The following RBFOX1 variants were observed in gnomAD, a reference collection of about 807,000 sequenced individuals.
RBFOX1 encodes the protein RNA binding fox-1 homolog 1, also known as RNA binding protein fox-1 homolog 1.
Under a neutral mutation model 57.7 loss-of-function variants are expected in RBFOX1, and 8 were observed. That is an observed-to-expected ratio of 0.14 (90% confidence interval 0.08 to 0.25). The LOEUF is 0.25. RBFOX1 is among the 10% of genes least tolerant of loss of function. The pLI, the probability that RBFOX1 is intolerant of heterozygous loss-of-function variation, is 1.00. For synonymous variants in RBFOX1, 326 were observed against 222.4 expected, an observed-to-expected ratio of 1.47 and a Z score of -4.15; for missense variants, 611 against 548.5, an observed-to-expected ratio of 1.11 and a Z score of -1.14.
At chr16:7,028,622 A>C (rs1014750939) in intron 3 of RBFOX1, among the ~76,000 whole-genome samples, 41 of 151,214 alleles carry the variant, frequency 2.7e-4, no homozygotes, top group African/African-American at 9.2e-4. Flanking sequence ...AAAAAAAAAA[A>C]AAAAAAAAAA....
At chr16:6,648,624 C>T (rs892872088) in intron 2 of RBFOX1, among the ~76,000 whole-genome samples, 4 of 152,134 alleles carry the variant, frequency 2.6e-5, no homozygotes, top group South Asian at 4.2e-4. Flanking sequence ...CATGCATCGA[C>T]GGGCCCTCAC....
intron 4 of RBFOX1, among the ~76,000 whole-genome samples, chr16:5,927,867 G>A (rs1429351786): frequency 1.3e-5 from 2 of 152,094 alleles, no homozygotes; most frequent in Non-Finnish European, 2.9e-5. Flanking sequence ...AATATTACAC[G>A]ATCCCACTTG....
chr16:5,346,665 CT>C (rs1331114064), intron 1 of RBFOX1, among the ~76,000 whole-genome samples: 4 of 152,146 alleles, frequency 2.6e-5, no homozygotes, highest in Non-Finnish European at 5.9e-5. Context: ...GTGGAGTGTG[CT>C]GTGGGAGTGG....
chr16:5,649,791 G>T (rs2049172594), intron 3 of RBFOX1, among the ~76,000 whole-genome samples: 1 of 152,192 alleles, frequency 6.6e-6, no homozygotes, highest in Admixed American at 6.5e-5. Context: ...AACTGCTTGT[G>T]TTGACAACAT....
intron 4 of RBFOX1, among the ~76,000 whole-genome samples, chr16:7,203,000 A>G (rs1474514291): frequency 2.6e-5 from 4 of 152,148 alleles, no homozygotes; most frequent in Non-Finnish European, 4.4e-5. Flanking sequence ...GTGAGCCAGG[A>G]TGGTCTGGAT....
chr16:5,346,943 T>C (rs2065153809), intron 1 of RBFOX1, among the ~76,000 whole-genome samples: 1 of 152,174 alleles, frequency 6.6e-6, no homozygotes, highest in African/African-American at 2.4e-5. Flanking sequence ...AAGTGCCCTG[T>C]AATTGTTCAC....
intron 9 of RBFOX1, among the ~76,000 whole-genome samples, chr16:7,603,700 A>T (rs1457410036): frequency 6.6e-6 from 1 of 152,208 alleles, no homozygotes; most frequent in Non-Finnish European, 1.5e-5. Context: ...GAAAATGGCC[A>T]GTGTCACTGT....
intron 3 of RBFOX1, among the ~76,000 whole-genome samples, chr16:6,937,038 C>T (rs953629985): frequency 2.0e-5 from 3 of 151,540 alleles, no homozygotes; most frequent in Admixed American, 6.6e-5. Flanking sequence ...CACATGTATA[C>T]GTATGTAACT....
At chr16:7,375,863 A>C (rs909013461) in intron 4 of RBFOX1, among the ~76,000 whole-genome samples, 11 of 152,208 alleles carry the variant, frequency 7.2e-5, no homozygotes, top group African/African-American at 2.7e-4. Flanking sequence ...TACTTGGGAA[A>C]AGTAATCTTT....
At chr16:6,544,278 T>C (rs1018738948) in intron 2 of RBFOX1, among the ~76,000 whole-genome samples, 3 of 152,172 alleles carry the variant, frequency 2.0e-5, no homozygotes, top group African/African-American at 7.2e-5. Context: ...TTGCAAGAAA[T>C]TAGCCTCATA....
At chr16:6,797,691 C>A (rs1440175109) in intron 3 of RBFOX1, among the ~76,000 whole-genome samples, 1 of 152,074 alleles carries the variant, frequency 6.6e-6, no homozygotes, top group Non-Finnish European at 1.5e-5. Context: ...TAAATTGGAC[C>A]ATTCCAACTA....
At chr16:6,349,444 T>C (rs1264642188) in intron 2 of RBFOX1, among the ~76,000 whole-genome samples, 1 of 152,184 alleles carries the variant, frequency 6.6e-6, no homozygotes, top group African/African-American at 2.4e-5. Flanking sequence ...AAAATAAAGC[T>C]ACCCCATAGA....
At chr16:7,145,115 C>T (rs1328537736) in intron 4 of RBFOX1, among the ~76,000 whole-genome samples, 1 of 152,194 alleles carries the variant, frequency 6.6e-6, no homozygotes, top group Non-Finnish European at 1.5e-5. Flanking sequence ...ACATAAGCAC[C>T]TACAAGTCTC....
At chr16:7,186,287 TATAA>T (rs2083771048) in intron 4 of RBFOX1, among the ~76,000 whole-genome samples, 1 of 118,612 alleles carries the variant, frequency 8.4e-6, no homozygotes, top group Non-Finnish European at 1.7e-5. Flanking sequence ...AACATATTTA[TATAA>T]ATATAAACAT....
At chr16:5,502,488 C>A (rs1252939121) in intron 2 of RBFOX1, among the ~76,000 whole-genome samples, 1 of 152,156 alleles carries the variant, frequency 6.6e-6, no homozygotes, top group African/African-American at 2.4e-5. Flanking sequence ...GTTCTGGAAG[C>A]CCCCTGCTCT....
chr16:6,843,242 T>C (rs1232343667), intron 3 of RBFOX1, among the ~76,000 whole-genome samples: 1 of 152,188 alleles, frequency 6.6e-6, no homozygotes, highest in Non-Finnish European at 1.5e-5. Flanking sequence ...TGTGAACCTT[T>C]TGCAAAGTTG....
intron 3 of RBFOX1, among the ~76,000 whole-genome samples, chr16:6,810,099 C>G (rs150692071): frequency 2.7e-5 from 4 of 150,570 alleles, no homozygotes; most frequent in Non-Finnish European, 4.4e-5. Flanking sequence ...AAACTGGTAT[C>G]TATCTTTTCT....
chr16:6,384,151 C>T (rs2092070260), intron 2 of RBFOX1, among the ~76,000 whole-genome samples: 1 of 147,736 alleles, frequency 6.8e-6, no homozygotes, highest in Non-Finnish European at 1.5e-5. Flanking sequence ...GGTGCTGGAT[C>T]ATTAATCTAA....
chr16:7,062,216 G>C (rs1298672754), intron 4 of RBFOX1, among the ~76,000 whole-genome samples: 1 of 150,626 alleles, frequency 6.6e-6, no homozygotes, highest in Non-Finnish European at 1.5e-5. Context: ...CTACTCAGGA[G>C]GCTGAGGCAG....
Sources: allele counts gnomAD v4.1 joint callset (sites outside exome capture counted in the v4.1 genomes callset), GRCh38; gene constraint gnomAD v4.1.1; transcripts MANE v1.5; gene names NCBI Gene and HGNC (gene_info 2026-07-23, HGNC 2026-07-21).